SORCS1: variants seen among roughly 807,000 people sequenced by gnomAD.
SORCS1 encodes sortilin related VPS10 domain containing receptor 1, also known as VPS10 domain-containing receptor SorCS1.
In SORCS1, 60 loss-of-function variants were observed where a neutral mutation model predicts 146.1. The observed-to-expected ratio is 0.41, with a 90% CI of 0.33 to 0.51. The LOEUF (loss-of-function observed/expected upper bound fraction) is 0.51, where lower values mean the gene tolerates loss of function less well. Among genes scored for constraint, SORCS1 ranks in the 20% least tolerant of loss-of-function variants. SORCS1 has a pLI of 0.21. For synonymous variants in SORCS1, 637 were observed against 584.0 expected (o/e 1.09, Z -1.31); for missense variants, 1,352 against 1,487.6 (o/e 0.91, Z 1.50).
intron 6 of SORCS1, among the ~76,000 whole-genome samples, chr10:106,711,957 AACTGGGC>A (rs1855024881): frequency 2.0e-5 from 3 of 152,192 alleles, no homozygotes; most frequent in Non-Finnish European, 4.4e-5. Flanking sequence ...TGACGATAAG[AACTGGGC>A]TTGAATTCTG....
At chr10:106,636,175 A>G (rs1415300344) in intron 18 of SORCS1, among the ~76,000 whole-genome samples, 1 of 152,034 alleles carries the variant, frequency 6.6e-6, no homozygotes, top group Non-Finnish European at 1.5e-5. Flanking sequence ...TGAGAGGACC[A>G]CTTGAGCCCG....
At chr10:106,704,387 T>G (rs926959681) in intron 8 of SORCS1, among the ~76,000 whole-genome samples, 12 of 152,200 alleles carry the variant, frequency 7.9e-5, no homozygotes, top group Non-Finnish European at 1.2e-4. Context: ...CCAAAACTTA[T>G]GTCACTTAAC....
intron 2 of SORCS1, among the ~76,000 whole-genome samples, chr10:106,947,441 G>A (rs887890560): frequency 6.6e-6 from 1 of 152,204 alleles, no homozygotes; most frequent in Non-Finnish European, 1.5e-5. Flanking sequence ...AAGCAGTGTA[G>A]CACAGGCATT....
chr10:107,055,600 C>G (rs1209570452), intron 1 of SORCS1, among the ~76,000 whole-genome samples: 1 of 152,180 alleles, frequency 6.6e-6, no homozygotes, highest in African/African-American at 2.4e-5. Context: ...GGTGATAGAA[C>G]TCATCCATTA....
intron 1 of SORCS1, among the ~76,000 whole-genome samples, chr10:107,011,493 C>T (rs186567464): frequency 6.6e-6 from 1 of 152,326 alleles, no homozygotes; most frequent in East Asian, 1.9e-4. Flanking sequence ...TGCTTCTGCC[C>T]TGCAAGCTAC....
At chr10:106,736,965 G>C (rs2756245) in intron 5 of SORCS1, among the ~76,000 whole-genome samples, 8 of 151,854 alleles carry the variant, frequency 5.3e-5, no homozygotes, top group Non-Finnish European at 8.8e-5. Context: ...GGCCCTCCAC[G>C]TGCTGCATTT....
At chr10:107,058,673 CAAT>C (rs2134099583) in intron 1 of SORCS1, among the ~76,000 whole-genome samples, 1 of 152,130 alleles carries the variant, frequency 6.6e-6, no homozygotes, top group East Asian at 1.9e-4. Flanking sequence ...TAAAATGGGA[CAAT>C]AATACTTATC....
chr10:107,121,927 T>C (rs1412465635), intron 1 of SORCS1, among the ~76,000 whole-genome samples: 1 of 152,166 alleles, frequency 6.6e-6, no homozygotes, highest in Non-Finnish European at 1.5e-5. Flanking sequence ...GTATTTATTA[T>C]ATAATAATAC....
intron 2 of SORCS1, among the ~76,000 whole-genome samples, chr10:106,930,163 T>G (rs1953332116): frequency 6.6e-6 from 1 of 152,042 alleles, no homozygotes; most frequent in Non-Finnish European, 1.5e-5. Context: ...GCGCCTGCAG[T>G]CCCAGCTACT....
At chr10:106,684,399 T>C (rs1852667302) in intron 10 of SORCS1, among the ~76,000 whole-genome samples, 1 of 152,158 alleles carries the variant, frequency 6.6e-6, no homozygotes, top group African/African-American at 2.4e-5. Flanking sequence ...CCTCTTTCCA[T>C]TAAACACTGT....
chr10:106,851,011 G>A (rs1949548492), intron 2 of SORCS1, among the ~76,000 whole-genome samples: 1 of 152,146 alleles, frequency 6.6e-6, no homozygotes, highest in South Asian at 2.1e-4. Context: ...AGGTCCCAGT[G>A]TTCTACCATA....
intron 2 of SORCS1, among the ~76,000 whole-genome samples, chr10:106,955,728 T>G (rs822086): frequency 0.59 from 89,578 of 152,028 alleles, 27,439 homozygotes; most frequent in Admixed American, 0.67. Flanking sequence ...GGCTCATGCC[T>G]GTAATCCCAG....
At chr10:106,599,419 A>G (rs900226453) in intron 23 of SORCS1, among the ~76,000 whole-genome samples, 2 of 151,362 alleles carry the variant, frequency 1.3e-5, no homozygotes, top group Non-Finnish European at 2.9e-5. Flanking sequence ...GGGAAGGAGA[A>G]GGAGAAGTGG....
chr10:106,785,340 C>CCCTAAATTGCCTACAT (rs1946007329), intron 3 of SORCS1, among the ~76,000 whole-genome samples: 1 of 152,194 alleles, frequency 6.6e-6, no homozygotes, highest in Non-Finnish European at 1.5e-5. Context: ...ATTTACTTTT[C>CCCTAAATTGCCTACAT]CCTAAATTGC....
At chr10:106,666,348 G>A (rs769722310) in intron 17 of SORCS1, among the ~76,000 whole-genome samples, 26 of 152,254 alleles carry the variant, frequency 1.7e-4, no homozygotes, top group African/African-American at 2.6e-4. Context: ...GTCTTGAACC[G>A]AAAGATAGGC....
chr10:107,000,233 T>A (rs1041024757), intron 1 of SORCS1, among the ~76,000 whole-genome samples: 5 of 152,218 alleles, frequency 3.3e-5, no homozygotes, highest in African/African-American at 1.2e-4. Flanking sequence ...GCAGTTGATG[T>A]CAAAGTGGTC....
intron 2 of SORCS1, among the ~76,000 whole-genome samples, chr10:106,940,651 A>G (rs1395042955): frequency 2.0e-5 from 3 of 152,236 alleles, no homozygotes; most frequent in African/African-American, 7.2e-5. Context: ...TGGGAGGCCA[A>G]GGTGGGTGGA....
intron 5 of SORCS1, among the ~76,000 whole-genome samples, chr10:106,738,806 A>G (rs1468805506): frequency 6.6e-6 from 1 of 152,122 alleles, no homozygotes; most frequent in Non-Finnish European, 1.5e-5. Context: ...AGCCTGGGCA[A>G]CAAAGCCAGA....
At chr10:106,652,644 G>C in intron 17 of SORCS1, 91 bp from the exon 18 acceptor site, 1 of 1,427,522 alleles carries the variant, frequency 7.0e-7, no homozygotes, top group Non-Finnish European at 9.6e-7. Context: ...CTAGCCCTGA[G>C]GACCATCAGT....
Sources: gnomAD v4.1 joint callset for allele counts (sites outside exome capture counted in the v4.1 genomes callset) on GRCh38, gnomAD v4.1.1 for gene constraint, MANE v1.5 for transcripts, NCBI Gene and HGNC (gene_info 2026-07-23, HGNC 2026-07-21) for gene names.